Variants in TRABD2B observed in about 807,000 individuals in gnomAD.
The protein encoded by TRABD2B is TraB domain containing 2B, also known as metalloprotease TIKI2.
In TRABD2B, 14 loss-of-function variants were observed where a neutral mutation model predicts 40.1. That is an observed-to-expected ratio of 0.35 (90% CI 0.23 to 0.55). The LOEUF (loss-of-function observed/expected upper bound fraction) is 0.55. Among genes scored for constraint, TRABD2B ranks in the 20% least tolerant of loss-of-function variants. TRABD2B has a pLI of 0.90. For synonymous variants in TRABD2B, 263 were observed against 277.0 expected (o/e 0.95, Z 0.50); for missense variants, 541 against 648.6 (o/e 0.83, Z 1.80).
chr1:47,957,415 C>T (rs562444075), intron 2 of TRABD2B, among the ~76,000 whole-genome samples: 40 of 152,210 alleles, frequency 2.6e-4, no homozygotes, highest in African/African-American at 6.7e-4. Flanking sequence ...CAAATTTCTC[C>T]GAGCTAAAGG....
At chr1:47,815,739 G>T (rs1171785433) in intron 2 of TRABD2B, among the ~76,000 whole-genome samples, 1 of 150,822 alleles carries the variant, frequency 6.6e-6, no homozygotes, top group African/African-American at 2.4e-5. Flanking sequence ...GTGACTGAGG[G>T]TTGTGTAAGA....
chr1:47,844,140 T>C (rs1041078978), intron 2 of TRABD2B, among the ~76,000 whole-genome samples: 1 of 152,212 alleles, frequency 6.6e-6, no homozygotes, highest in Admixed American at 6.5e-5. Context: ...GTAAATCATG[T>C]CACCGTCCCC....
At chr1:47,951,922 T>A (rs1645350476) in intron 2 of TRABD2B, among the ~76,000 whole-genome samples, 1 of 152,184 alleles carries the variant, frequency 6.6e-6, no homozygotes, top group Non-Finnish European at 1.5e-5. Context: ...GTGTCCTTTT[T>A]TTCTAGATGG....
At chr1:47,935,767 A>G (rs1645098668) in intron 2 of TRABD2B, among the ~76,000 whole-genome samples, 1 of 152,232 alleles carries the variant, frequency 6.6e-6, no homozygotes, top group Non-Finnish European at 1.5e-5. Context: ...AAACCCCAAT[A>G]TTTAGATATC....
intron 2 of TRABD2B, among the ~76,000 whole-genome samples, chr1:47,978,055 A>C (rs1391158701): frequency 2.6e-5 from 4 of 152,032 alleles, no homozygotes; most frequent in African/African-American, 9.7e-5. Context: ...GTCCCTCCCC[A>C]ACCCCCAAAT....
intron 2 of TRABD2B, among the ~76,000 whole-genome samples, chr1:47,872,079 C>T (rs1021725838): frequency 3.4e-4 from 51 of 152,144 alleles, no homozygotes; most frequent in African/African-American, 1.1e-3. Flanking sequence ...CAGGATGGAC[C>T]AGGTGTGTGA....
In TRABD2B at chr1:47,994,010, C is replaced by T. The variant is rs1319396066; in HGVS notation, c.666+24G>A. On this transcript the variant is annotated intron_variant, in intron 2 of 6. Coordinates refer to ENST00000606738, the MANE Select transcript of TRABD2B (RefSeq NM_001194986.2). This position sits in a 1 kb window ranked among gnomAD's most constrained non-coding sequence, Gnocchi z 6.7. Reference sequence around the variant, plus strand: ...CCCAGGTACCCAGGGCTGTCAGCTCCGGGCTGGGGCACTGCATGCCTACCT... The same window carrying T: ...CCCAGGTACCCAGGGCTGTCAGCTCTGGGCTGGGGCACTGCATGCCTACCT... The T allele has an allele frequency of 1.3e-5, 20 of 1,522,296 alleles. No individual in the cohort carries two copies. Among genetic ancestry groups the T allele is most frequent in the East Asian group, 2.5e-5 (1 of 40,694 alleles). 94.3% of individuals were successfully genotyped at this position (1,522,296 alleles called of 1,614,324 possible).
At chr1:47,837,380 T>G (rs974649431) in intron 2 of TRABD2B, among the ~76,000 whole-genome samples, 3 of 152,132 alleles carry the variant, frequency 2.0e-5, no homozygotes, top group Admixed American at 6.5e-5. Flanking sequence ...CAGGCCTGTT[T>G]AAAATCTCTT....
intron 2 of TRABD2B, among the ~76,000 whole-genome samples, chr1:47,834,695 C>T (rs1645295918): frequency 6.6e-6 from 1 of 152,112 alleles, no homozygotes; most frequent in Non-Finnish European, 1.5e-5. Flanking sequence ...GCTAACTGAG[C>T]AGAGACTTCA....
At chr1:47,961,133 T>C (rs1314850947) in intron 2 of TRABD2B, among the ~76,000 whole-genome samples, 14 of 152,196 alleles carry the variant, frequency 9.2e-5, no homozygotes, top group African/African-American at 2.7e-4. Context: ...ATTTAATAAA[T>C]GGTGCTGGGA....
intron 4 of TRABD2B, 68 bp from the exon 5 acceptor site, chr1:47,778,612 G>A (rs1458173949): frequency 1.1e-5 from 13 of 1,176,930 alleles, no homozygotes; most frequent in Non-Finnish European, 1.6e-5. Flanking sequence ...ACTGCCCCAG[G>A]CCATCCCCTA....
chr1:47,919,305 T>C (rs1644869884), intron 2 of TRABD2B, among the ~76,000 whole-genome samples: 1 of 152,228 alleles, frequency 6.6e-6, no homozygotes, highest in East Asian at 1.9e-4. Flanking sequence ...ATGAACTGCA[T>C]GCGCTCAGCC....
At chr1:47,845,640 C>T (rs1382582390) in intron 2 of TRABD2B, among the ~76,000 whole-genome samples, 2 of 152,126 alleles carry the variant, frequency 1.3e-5, no homozygotes, top group Non-Finnish European at 2.9e-5. Context: ...AACTATCTCT[C>T]CTCAGGCATA....
chr1:47,790,060 G>A lies in TRABD2B; in HGVS notation c.988+4526C>T, dbSNP rs141379430. ...ACCATCATCTTTTTAATTTTCTTAA[G>A]TAAGGAATATTTTAACTTCAAACAC... On this transcript the variant is annotated intron_variant, in intron 4 of 6. Coordinates refer to ENST00000606738, the MANE Select transcript of TRABD2B (RefSeq NM_001194986.2). 1.7e-3 allele frequency among the ~76,000 whole-genome samples: 260 copies of A among 152,180 alleles called. 4 individuals carry two copies. Among genetic ancestry groups the A allele is most frequent in the African/African-American group, 5.2e-3 (214 of 41,512 alleles).
intron 2 of TRABD2B, among the ~76,000 whole-genome samples, chr1:47,805,150 A>C (rs953396041): frequency 6.6e-6 from 1 of 151,486 alleles, no homozygotes; most frequent in African/African-American, 2.4e-5. Context: ...CTCAACCCCA[A>C]CTCTTAACTC....
intron 2 of TRABD2B, among the ~76,000 whole-genome samples, chr1:47,860,821 C>G (rs1643956314): frequency 1.3e-5 from 2 of 152,160 alleles, no homozygotes; most frequent in Non-Finnish European, 2.9e-5. Context: ...GTTCCTTTTG[C>G]ACATGCCTGC....
chr1:47,934,959 C>T (rs1035933219), intron 2 of TRABD2B, among the ~76,000 whole-genome samples: 12 of 152,160 alleles, frequency 7.9e-5, no homozygotes, highest in African/African-American at 2.7e-4. Context: ...AAAGGGGCCT[C>T]CGAAAAACAC....
intron 2 of TRABD2B, among the ~76,000 whole-genome samples, chr1:47,840,228 T>C (rs997958180): frequency 6.6e-6 from 1 of 152,142 alleles, no homozygotes; most frequent in African/African-American, 2.4e-5. Context: ...CTTTCCTCAG[T>C]CAACAACTGA....
In TRABD2B at chr1:47,914,700, G is replaced by A. The variant is rs549139072; in HGVS notation, c.666+79334C>T. Among the ~76,000 whole-genome samples the A allele has an allele frequency of 5.9e-5, 9 of 152,344 alleles. No homozygotes were observed. The East Asian group carries it at 1.4e-3, about 23-fold the overall frequency. On this transcript the variant is annotated intron_variant, in intron 2 of 6. Coordinates refer to ENST00000606738, the MANE Select transcript of TRABD2B (RefSeq NM_001194986.2). ...GTGTCTGGACCCGGCCCCCTCCATA[G>A]AAAGAGCTGGTCCATTGGCACTGCT... is the stretch of plus-strand genomic sequence containing the variant.
Sources: allele counts gnomAD v4.1 joint callset (sites outside exome capture counted in the v4.1 genomes callset), GRCh38; gene constraint gnomAD v4.1.1; non-coding constraint Gnocchi (gnomAD v3.1); transcripts MANE v1.5; gene names NCBI Gene and HGNC (gene_info 2026-07-23, HGNC 2026-07-21).